UBE4B: variants seen among roughly 807,000 people sequenced by gnomAD.
The protein encoded by UBE4B is ubiquitination factor E4B.
UBE4B carries 27 observed loss-of-function variants against 148.1 expected under a neutral mutation model. That is an observed-to-expected ratio of 0.18 (90% CI 0.13 to 0.25). The LOEUF is 0.25. Ranked by LOEUF, UBE4B falls within the 10% of genes least tolerant of loss-of-function variation. The pLI, the probability that UBE4B is intolerant of heterozygous loss-of-function variation, is 1.00. For missense variants in UBE4B, 1,170 were observed against 1,662.4 expected (o/e 0.70, Z 5.15); for synonymous variants, 596 against 619.3 (o/e 0.96, Z 0.56).
chr1:10,088,917 G>C (rs1362725806), intron 2 of UBE4B, among the ~76,000 whole-genome samples: 1 of 152,010 alleles, frequency 6.6e-6, no homozygotes, highest in Non-Finnish European at 1.5e-5. Context: ...GGGCTCAAGC[G>C]ATCCTCCCAC....
intron 21 of UBE4B, among the ~76,000 whole-genome samples, chr1:10,156,522 G>A (rs936979349): frequency 6.6e-6 from 1 of 152,016 alleles, no homozygotes; most frequent in East Asian, 1.9e-4. Context: ...ATACAGATGC[G>A]GGGCCCTGCT....
chr1:10,086,051 A>C (rs1644760755), intron 2 of UBE4B, among the ~76,000 whole-genome samples: 1 of 151,834 alleles, frequency 6.6e-6, no homozygotes, highest in African/African-American at 2.4e-5. Flanking sequence ...CGCTTACTGC[A>C]AGCTCCACCT....
chr1:10,173,848 G>A (rs1389083166), intron 25 of UBE4B, among the ~76,000 whole-genome samples: 1 of 152,262 alleles, frequency 6.6e-6, no homozygotes, highest in Non-Finnish European at 1.5e-5. Context: ...CGCCCAGTGA[G>A]GTGATGCAAA....
chr1:10,042,111 T>C (rs548500799), intron 1 of UBE4B, among the ~76,000 whole-genome samples: 4 of 152,318 alleles, frequency 2.6e-5, no homozygotes, highest in African/African-American at 9.6e-5. Context: ...TCCAGTGGAC[T>C]TTCATTCCCG....
chr1:10,134,887 A>T, intron 15 of UBE4B, 101 bp from the exon 16 acceptor site: 1 of 989,544 alleles, frequency 1.0e-6, no homozygotes, highest in Non-Finnish European at 1.5e-6. Context: ...TGCAGCCAAG[A>T]TCACACCCCT....
At chr1:10,103,262 T>G (rs551046856) in intron 5 of UBE4B, 170 bp downstream of exon 5, 37 of 544,160 alleles carry the variant, frequency 6.8e-5, no homozygotes, top group African/African-American at 6.3e-4. Flanking sequence ...TTCTTCCCTT[T>G]CCACTGATCT....
intron 2 of UBE4B, among the ~76,000 whole-genome samples, chr1:10,080,542 T>G (rs1644662173): frequency 6.6e-6 from 1 of 152,172 alleles, no homozygotes; most frequent in Non-Finnish European, 1.5e-5. Flanking sequence ...TACCATATGA[T>G]CTGGCAGTCC....
intron 1 of UBE4B, among the ~76,000 whole-genome samples, chr1:10,049,004 T>C (rs1379741379): frequency 6.6e-6 from 1 of 152,238 alleles, no homozygotes; most frequent in East Asian, 1.9e-4. Context: ...GGTAGAGATA[T>C]ATTTGTATAT....
chr1:10,072,230 A>C lies in UBE4B; in HGVS notation c.211+16A>C. On this transcript the variant is annotated intron_variant, in intron 2 of 27. Coordinates refer to ENST00000343090, the MANE Select transcript of UBE4B (RefSeq NM_001105562.3). The stretch of plus-strand genomic sequence containing the variant: ...GGTGCATCAGGTAAGCCCAAGCTTC[A>C]TACCTGGGACTCTTTTGTAATTCTT... 1 of 1,604,068 alleles carries C rather than the reference A, an allele frequency of 6.2e-7. No homozygotes were observed. Among genetic ancestry groups the C allele is most frequent in the Non-Finnish European group, 8.5e-7 (1 of 1,177,644 alleles).
chr1:10,127,715 A>G (rs916841100), intron 11 of UBE4B, among the ~76,000 whole-genome samples: 2 of 152,166 alleles, frequency 1.3e-5, no homozygotes, highest in African/African-American at 4.8e-5. Flanking sequence ...TATACCATGA[A>G]TTCATTACTG....
At chr1:10,140,679 C>G (rs562054754) in intron 17 of UBE4B, among the ~76,000 whole-genome samples, 49 of 152,264 alleles carry the variant, frequency 3.2e-4, no homozygotes, top group African/African-American at 1.1e-3. Context: ...CAGCAGATAG[C>G]CTTTATTGTG....
At chr1:10,125,500 C>A (rs185275745) in intron 10 of UBE4B, among the ~76,000 whole-genome samples, 1 of 152,318 alleles carries the variant, frequency 6.6e-6, no homozygotes, top group Admixed American at 6.5e-5. Flanking sequence ...TCATCCAGGG[C>A]ACCTGTGTTT....
At chr1:10,167,191 A>G (rs894510109) in intron 23 of UBE4B, among the ~76,000 whole-genome samples, 1 of 151,812 alleles carries the variant, frequency 6.6e-6, no homozygotes, top group African/African-American at 2.4e-5. Flanking sequence ...TGTAATCCCA[A>G]CACTTCGGGA....
At chr1:10,129,326 T>C (rs761731573) in intron 11 of UBE4B, 66 bp from the exon 12 acceptor site, 65 of 1,490,670 alleles carry the variant, frequency 4.4e-5, no homozygotes, top group Non-Finnish European at 5.8e-5. Flanking sequence ...AAACTGTTTC[T>C]TTATGCTACA....
chr1:10,055,080 C>T (rs1455096837), intron 1 of UBE4B, among the ~76,000 whole-genome samples: 1 of 152,096 alleles, frequency 6.6e-6, no homozygotes, highest in Non-Finnish European at 1.5e-5. Context: ...GCCACCGCAC[C>T]CGGCGTGTTT....
At chr1:10,120,123 AT>A (rs949188539) in intron 9 of UBE4B, among the ~76,000 whole-genome samples, 24 of 152,120 alleles carry the variant, frequency 1.6e-4, no homozygotes, top group African/African-American at 4.6e-4. Context: ...GTTTTTAAAA[AT>A]TTTTTTTCTT....
chr1:10,117,006 G>T lies in UBE4B; in HGVS notation c.1197-453G>T, dbSNP rs145863146. On this transcript the variant is annotated intron_variant, in intron 7 of 27. Transcript: ENST00000343090. ...TTGGTTCTATTGCCAAATGTTAGAT[G>T]AGGGCTTTTGAGATCCATGGTAGAA... Among the ~76,000 whole-genome samples the T allele has an allele frequency of 1.5e-3, 236 of 152,286 alleles. 2 individuals carry two copies. Among genetic ancestry groups the T allele is most frequent in the African/African-American group, 5.3e-3 (222 of 41,552 alleles).
chr1:10,175,686 TA>T (rs992230720), intron 25 of UBE4B, among the ~76,000 whole-genome samples: 1 of 151,396 alleles, frequency 6.6e-6, no homozygotes, highest in African/African-American at 2.4e-5. Flanking sequence ...AAAAAGAAAA[TA>T]AAAAAAATAA....
intron 2 of UBE4B, among the ~76,000 whole-genome samples, chr1:10,093,745 AG>A (rs1644885446): frequency 6.7e-6 from 1 of 149,432 alleles, no homozygotes. Flanking sequence ...CCCAGGCTGC[AG>A]GGCAGTGGGG....
Sources: allele counts gnomAD v4.1 joint callset (sites outside exome capture counted in the v4.1 genomes callset), GRCh38; gene constraint gnomAD v4.1.1; transcripts MANE v1.5; gene names NCBI Gene and HGNC (gene_info 2026-07-23, HGNC 2026-07-21).